Variants in SEC16B observed in about 807,000 individuals in gnomAD.
SEC16B encodes the protein protein transport protein Sec16B.
SEC16B carries 115 observed loss-of-function variants against 141.8 expected under a neutral mutation model. The observed-to-expected ratio is 0.81, with a 90% CI of 0.70 to 0.95. The LOEUF is 0.95. Among genes scored for constraint, SEC16B ranks in the 40% least tolerant of loss-of-function variants. The pLI is 0.00. For synonymous variants in SEC16B, 493 were observed against 492.5 expected (o/e 1.00, Z -0.01); for missense variants, 1,291 against 1,312.3 (o/e 0.98, Z 0.25).
intron 10 of SEC16B, among the ~76,000 whole-genome samples, chr1:177,956,205 A>G (rs1239069604): frequency 6.6e-6 from 1 of 152,202 alleles, no homozygotes; most frequent in African/African-American, 2.4e-5. Flanking sequence ...TTACTGAAAC[A>G]CGGCCACCTC....
Position 177,965,048 on chromosome 1 carries a change from G to A in SEC16B, c.532C>T (p.Gln178Ter), listed in dbSNP as rs753777316. 6.2e-7 allele frequency: 1 copy of A among 1,613,190 alleles called. No homozygotes were observed. Among genetic ancestry groups the A allele is most frequent in the Admixed American group, 1.7e-5 (1 of 59,956 alleles). Residue 178 changes from glutamine to a stop codon, truncating the protein, a stop_gained and splice_region_variant, in exon 4 of 26, where the codon CAA becomes TAA. Coordinates refer to ENST00000308284, the MANE Select transcript of SEC16B (RefSeq NM_033127.4). LOFTEE classifies it high-confidence loss of function. ...ACTGGCCTCTCCTTTCACACTTACT[G>A]GAAGTGGGTCTCACTATTTGTTCCA... Reference protein sequence around the residue: ...PFGTNSETHFQSNSRNPCKDS... With the variant: ...PFGTNSETHF
intron 11 of SEC16B, among the ~76,000 whole-genome samples, chr1:177,953,290 G>C (rs900910390): frequency 2.0e-5 from 3 of 152,196 alleles, no homozygotes; most frequent in Admixed American, 6.5e-5. Flanking sequence ...ACAGGCATGA[G>C]CCACCACACC....
intron 8 of SEC16B, 180 bp downstream of exon 8, chr1:177,960,162 G>C: frequency 1.7e-6 from 1 of 575,474 alleles, no homozygotes; most frequent in East Asian, 2.9e-5. Context: ...CTATTGAATG[G>C]CTTGTCAAAA....
chr1:177,973,136 T>G (rs183022607), upstream of SEC16B: 2 of 152,332 alleles, frequency 1.3e-5, no homozygotes, highest in Non-Finnish European at 2.9e-5. Context: ...TTATCACTGT[T>G]AATGATGCTG....
chr1:177,940,560 A>T (rs1480970455), intron 17 of SEC16B, 50 bp downstream of exon 17: 1 of 1,310,136 alleles, frequency 7.6e-7, no homozygotes, highest in Non-Finnish European at 1.1e-6. Flanking sequence ...GGGTGGGAAG[A>T]GGGAAACAAA....
intron 13 of SEC16B, 117 bp downstream of exon 13, chr1:177,947,708 G>C (rs1426114111): frequency 5.0e-6 from 3 of 605,782 alleles, no homozygotes; most frequent in African/African-American, 1.9e-5. Flanking sequence ...GGGGAGGTGA[G>C]GAGAGGGAGG....
In SEC16B at chr1:177,941,250, C is replaced by A. The variant is rs140177710; in HGVS notation, c.2023-536G>T. ...TCCCTGAGCTCCTTGCAACCATCAA[C>A]CTGTTGGCAGAAACTTCAGGGTATG... is the stretch of plus-strand genomic sequence containing the variant. On this transcript the variant is annotated intron_variant, in intron 16 of 25. Transcript: ENST00000308284. 3.3e-5 allele frequency among the ~76,000 whole-genome samples: 5 copies of A among 152,272 alleles called. No homozygotes were observed. In the East Asian group the frequency reaches 7.7e-4, roughly 24 times the overall value.
At chr1:177,931,705 A>G (rs1408038811) in intron 24 of SEC16B, among the ~76,000 whole-genome samples, 6 of 152,254 alleles carry the variant, frequency 3.9e-5, no homozygotes, top group African/African-American at 1.2e-4. Context: ...TACTGACAAG[A>G]AGAAAAAGCC....
chr1:177,972,359 G>A (rs140072466), upstream of SEC16B, among the ~76,000 whole-genome samples: 5 of 152,078 alleles, frequency 3.3e-5, no homozygotes, highest in South Asian at 2.1e-4. Context: ...TAAGTCTTTC[G>A]ACCTGGCAGC....
At position 177,939,927 on chromosome 1, in the gene SEC16B, G is replaced by A. The variant is rs531744160; in HGVS notation, c.2128-150C>T. Reference sequence around the variant, plus strand: ...GCTTGTATGCTTAGGGGCCTGGGGGGTCACGTGGACAGGGCTCCCAGCTCT... The same window carrying A: ...GCTTGTATGCTTAGGGGCCTGGGGGATCACGTGGACAGGGCTCCCAGCTCT... On this transcript the variant is annotated intron_variant, in intron 17 of 25. Coordinates refer to ENST00000308284, the MANE Select transcript of SEC16B (RefSeq NM_033127.4). The A allele has an allele frequency of 1.7e-4, 111 of 666,816 alleles. 1 individual carries two copies. In the South Asian group the frequency reaches 2.1e-3, roughly 12 times the overall value. 41.3% of individuals were successfully genotyped at this position (666,816 alleles called of 1,614,324 possible). A position where few individuals can be genotyped will look rare whatever the true frequency, so the allele number is the denominator to read the frequency against.
intron 1 of SEC16B, among the ~76,000 whole-genome samples, chr1:177,980,711 G>A (rs749481501): frequency 1.3e-5 from 2 of 149,612 alleles, no homozygotes; most frequent in African/African-American, 2.5e-5. Context: ...AGAAGCAGAT[G>A]TAATGCAAAG....
At chr1:177,950,881 G>A (rs1056239862) in intron 12 of SEC16B, among the ~76,000 whole-genome samples, 2 of 148,490 alleles carry the variant, frequency 1.3e-5, no homozygotes, top group Non-Finnish European at 3.0e-5. Context: ...GGGAAGGAAG[G>A]AAGGAGGAAG....
At chr1:177,951,332 G>A (rs935608077) in intron 12 of SEC16B, among the ~76,000 whole-genome samples, 12 of 152,156 alleles carry the variant, frequency 7.9e-5, no homozygotes, top group African/African-American at 1.4e-4. Flanking sequence ...GTGACTGGAC[G>A]TCAAAGGTAA....
At chr1:177,958,110 T>G (rs780314428) in intron 10 of SEC16B, 22 bp downstream of exon 10, 11 of 1,451,242 alleles carry the variant, frequency 7.6e-6, no homozygotes, top group Non-Finnish European at 1.0e-5. Flanking sequence ...TCAAAATAAG[T>G]ATGGGGGAAG....
chr1:177,968,143 A>C lies in SEC16B; in HGVS notation c.-58-104T>G, dbSNP rs182219238. ...AGAGCAGCTATGGTCCTCGAAATAT[A>C]TCTAAAACAAACCATATGGTCACGG... On this transcript the variant is annotated intron_variant, in intron 1 of 25. Coordinates refer to ENST00000308284, the MANE Select transcript of SEC16B (RefSeq NM_033127.4). 2.0e-3 allele frequency: 1,204 copies of C among 615,556 alleles called. 12 individuals carry two copies. The African/African-American group carries it at 0.02, about 10-fold the overall frequency. 38.1% of individuals were successfully genotyped at this position (615,556 alleles called of 1,614,324 possible).
chr1:177,946,583 G>T, intron 13 of SEC16B, 52 bp from the exon 14 acceptor site: 1 of 1,396,656 alleles, frequency 7.2e-7, no homozygotes. Flanking sequence ...CGTATGGGGA[G>T]CCATCATCTG....
At chr1:177,948,940 C>T (rs1035782094) in intron 12 of SEC16B, among the ~76,000 whole-genome samples, 31 of 151,948 alleles carry the variant, frequency 2.0e-4, no homozygotes, top group Non-Finnish European at 1.6e-4. Context: ...CACACACACA[C>T]ACACACACAC....
Position 177,947,870 on chromosome 1 carries a change from G to A in SEC16B, c.1618C>T (p.Pro540Ser), listed in dbSNP as rs1257820814. The A allele has an allele frequency of 6.4e-7, 1 of 1,559,654 alleles. No homozygotes were observed. The highest frequency in any genetic ancestry group is 8.7e-7 in the Non-Finnish European group (1 of 1,152,084). Residue 540 changes from proline to serine, a missense_variant, in exon 13 of 26, where the codon CCA (proline) becomes TCA (serine). Pro to Ser is a moderately conservative substitution (Grantham distance 74, BLOSUM62 -1). This residue lies in a region of SEC16B where 681 missense variants were observed against 675.5 expected (regional missense o/e 1.01). Transcript: ENST00000308284. ...ACAATCGCACGCTGATACAGCTCTGGGTCCCCAGCCTGATTCGACAGAATC... is the reference window on the plus strand; with the variant it reads ...ACAATCGCACGCTGATACAGCTCTGAGTCCCCAGCCTGATTCGACAGAATC... ...AVILSNQAGDPELYQRAIVAI... is the reference protein window; with the variant it reads ...AVILSNQAGDSELYQRAIVAI...
intron 24 of SEC16B, among the ~76,000 whole-genome samples, chr1:177,931,846 T>C (rs968100419): frequency 1.3e-5 from 2 of 152,210 alleles, no homozygotes; most frequent in East Asian, 3.9e-4. Context: ...AAATCCATAC[T>C]GATGTGGACA....
Sources: allele counts gnomAD v4.1 joint callset (sites outside exome capture counted in the v4.1 genomes callset), GRCh38; gene constraint gnomAD v4.1.1; regional missense constraint gnomAD v4.1.1; transcripts MANE v1.5; gene names NCBI Gene and HGNC (gene_info 2026-07-23, HGNC 2026-07-21).